The following ADGRL4 variants were observed in gnomAD, a reference collection of about 807,000 sequenced individuals.
ADGRL4 encodes the protein adhesion G protein-coupled receptor L4, also known as EGF, latrophilin and seven transmembrane domain containing 1.
In ADGRL4, 90 loss-of-function variants were observed where a neutral mutation model predicts 74.8. That is an observed-to-expected ratio of 1.20 (90% confidence interval 1.02 to 1.43). The LOEUF is 1.43. ADGRL4 is among the 40% of genes most tolerant of loss of function. The pLI, the probability that ADGRL4 is intolerant of heterozygous loss-of-function variation, is 0.00. For synonymous variants in ADGRL4, 311 were observed against 279.2 expected, an observed-to-expected ratio of 1.11 and a Z score of -1.14; for missense variants, 881 against 814.3, an observed-to-expected ratio of 1.08 and a Z score of -1.00.
intron 2 of ADGRL4, among the ~76,000 whole-genome samples, chr1:78,954,893 TA>T (rs1465244367): frequency 2.0e-5 from 3 of 152,094 alleles, no homozygotes; most frequent in Non-Finnish European, 1.5e-5. Context: ...CCTAACTTAC[TA>T]AAAAATTTGT....
chr1:78,989,526 T>C (rs1488029977), intron 2 of ADGRL4, among the ~76,000 whole-genome samples: 1 of 151,872 alleles, frequency 6.6e-6, no homozygotes, highest in Non-Finnish European at 1.5e-5. Context: ...TAAAGATTAG[T>C]AAACTGGTAA....
intron 3 of ADGRL4, among the ~76,000 whole-genome samples, chr1:78,945,789 C>CCTA (rs749862067): frequency 7.3e-5 from 11 of 151,616 alleles, no homozygotes; most frequent in Non-Finnish European, 1.0e-4. Context: ...TAATGCATAT[C>CCTA]TGAAGTGTGA....
rs117560360 is a variant in ADGRL4, at chr1:78,947,303, C to T, written c.173-877G>A. On this transcript the variant is annotated intron_variant, in intron 2 of 14. Transcript: ENST00000370742. The stretch of plus-strand genomic sequence containing the variant: ...CAAGGTCATACTCGATTATGGTGGG[C>T]GCTAATTCAATGATTGACATCCTTA... Among the ~76,000 whole-genome samples the T allele has an allele frequency of 3.8e-4, 58 of 152,144 alleles. 1 individual carries two copies. In the East Asian group the frequency reaches 7.5e-3, roughly 20 times the overall value.
At chr1:78,976,809 C>T (rs1570267257) in intron 2 of ADGRL4, among the ~76,000 whole-genome samples, 1 of 149,878 alleles carries the variant, frequency 6.7e-6, no homozygotes, top group South Asian at 2.1e-4. Flanking sequence ...AAAAAAAAAA[C>T]CTCCAGACCC....
intron 2 of ADGRL4, among the ~76,000 whole-genome samples, chr1:78,971,922 A>C (rs1650177648): frequency 6.6e-6 from 1 of 151,748 alleles, no homozygotes; most frequent in African/African-American, 2.4e-5. Context: ...TGCCCAGCTA[A>C]TTTTTTGTAT....
At chr1:78,915,549 C>G (rs911052740) in intron 12 of ADGRL4, among the ~76,000 whole-genome samples, 4 of 151,774 alleles carry the variant, frequency 2.6e-5, no homozygotes. Flanking sequence ...GAACATTGTC[C>G]TCCCCTAAAG....
chr1:78,985,812 G>A (rs528699381), intron 2 of ADGRL4, among the ~76,000 whole-genome samples: 1 of 151,794 alleles, frequency 6.6e-6, no homozygotes, highest in Admixed American at 6.6e-5. Flanking sequence ...AAGAAAATGT[G>A]GTATATACAC....
At chr1:78,918,874 T>C (rs1297712992) in intron 10 of ADGRL4, among the ~76,000 whole-genome samples, 1 of 151,850 alleles carries the variant, frequency 6.6e-6, no homozygotes, top group Non-Finnish European at 1.5e-5. Context: ...AATTTGGAAA[T>C]CACTTTAGCA....
At chr1:78,999,451 T>TA (rs1650789578) in intron 2 of ADGRL4, among the ~76,000 whole-genome samples, 1 of 152,146 alleles carries the variant, frequency 6.6e-6, no homozygotes, top group African/African-American at 2.4e-5. Flanking sequence ...CAGGCGCCTG[T>TA]AGTCCTAGCT....
intron 12 of ADGRL4, among the ~76,000 whole-genome samples, chr1:78,916,341 T>A (rs1338002468): frequency 6.6e-6 from 1 of 151,832 alleles, no homozygotes; most frequent in African/African-American, 2.4e-5. Flanking sequence ...CAAAGATGGA[T>A]TTTCCTATGG....
intron 2 of ADGRL4, among the ~76,000 whole-genome samples, chr1:78,973,700 C>T (rs1650217962): frequency 6.7e-6 from 1 of 148,984 alleles, no homozygotes; most frequent in Non-Finnish European, 1.5e-5. Context: ...TACAATTTTT[C>T]AGCAAATTTT....
intron 12 of ADGRL4, among the ~76,000 whole-genome samples, chr1:78,915,171 G>T (rs1263657829): frequency 6.6e-6 from 1 of 151,704 alleles, no homozygotes; most frequent in Non-Finnish European, 1.5e-5. Context: ...TTATTACTAG[G>T]GACACTGTAT....
chr1:78,998,126 A>G (rs1222998883), intron 2 of ADGRL4, among the ~76,000 whole-genome samples: 3 of 152,126 alleles, frequency 2.0e-5, no homozygotes, highest in African/African-American at 7.2e-5. Flanking sequence ...ACCACAGGGG[A>G]AAGCCAGACT....
intron 2 of ADGRL4, among the ~76,000 whole-genome samples, chr1:78,982,227 G>A (rs1395620916): frequency 6.6e-6 from 1 of 151,294 alleles, no homozygotes; most frequent in Admixed American, 6.6e-5. Flanking sequence ...AAGCCATTTT[G>A]CTCACAATTT....
At chr1:78,965,081 G>T (rs1314445537) in intron 2 of ADGRL4, among the ~76,000 whole-genome samples, 1 of 152,032 alleles carries the variant, frequency 6.6e-6, no homozygotes, top group Admixed American at 6.6e-5. Context: ...AAACAGAAAT[G>T]TACCAAATTC....
At chr1:78,937,724 C>T in intron 6 of ADGRL4, 83 bp downstream of exon 6, 1 of 1,244,670 alleles carries the variant, frequency 8.0e-7, no homozygotes. Context: ...GTTTCAACAC[C>T]ATGCCTCCTA....
At chr1:78,993,658 T>C (rs1046992157) in intron 2 of ADGRL4, among the ~76,000 whole-genome samples, 3 of 151,586 alleles carry the variant, frequency 2.0e-5, no homozygotes, top group Non-Finnish European at 4.4e-5. Context: ...AAGCTCCACC[T>C]CCTGGGCTCA....
chr1:78,909,391 A>G (rs1257599973), intron 12 of ADGRL4, among the ~76,000 whole-genome samples: 1 of 151,840 alleles, frequency 6.6e-6, no homozygotes, highest in Non-Finnish European at 1.5e-5. Context: ...AGAACTGGGA[A>G]TATCATCCCC....
intron 12 of ADGRL4, among the ~76,000 whole-genome samples, chr1:78,916,770 A>T (rs1648880909): frequency 6.6e-6 from 1 of 151,886 alleles, no homozygotes; most frequent in Non-Finnish European, 1.5e-5. Flanking sequence ...CGGTCAACAC[A>T]TATGGAACAA....
Sources: gnomAD v4.1 joint callset for allele counts (sites outside exome capture counted in the v4.1 genomes callset) on GRCh38, gnomAD v4.1.1 for gene constraint, MANE v1.5 for transcripts, NCBI Gene and HGNC (gene_info 2026-07-23, HGNC 2026-07-21) for gene names.